SLC26A3: variants seen among roughly 807,000 people sequenced by gnomAD.
SLC26A3 encodes chloride anion exchanger.
A neutral mutation model predicts 85.6 loss-of-function variants in SLC26A3; 64 were observed. That is an observed-to-expected ratio of 0.75 (90% confidence interval 0.61 to 0.92). The LOEUF (loss-of-function observed/expected upper bound fraction) is 0.92, where lower values mean the gene tolerates loss of function less well. SLC26A3 is among the 40% of genes least tolerant of loss of function. The pLI, the probability that SLC26A3 is intolerant of heterozygous loss-of-function variation, is 0.00. For synonymous variants in SLC26A3, 349 were observed against 336.0 expected (o/e 1.04, Z -0.42); for missense variants, 922 against 927.3 (o/e 0.99, Z 0.07).
chr7:107,789,119 C>T lies in SLC26A3; in HGVS notation c.735+405G>A, dbSNP rs1395588027. Among the ~76,000 whole-genome samples, 942 of 128,188 alleles carry T rather than the reference C, an allele frequency of 7.3e-3. 9 individuals are homozygous for T. Among genetic ancestry groups the T allele is most frequent in the African/African-American group, 0.026 (882 of 33,482 alleles). 84.1% of individuals were successfully genotyped at this position (128,188 alleles called of 152,430 possible). A position where few individuals can be genotyped will look rare whatever the true frequency, so the allele number is the denominator to read the frequency against. On this transcript the variant is annotated intron_variant, in intron 6 of 20. Coordinates refer to ENST00000340010, the MANE Select transcript of SLC26A3 (RefSeq NM_000111.3). ...TTTCTTTTTCTTTTCTTTTCTTTTT[C>T]TTTTTTTTTTTTTTGAGACAAGAGT...
At chr7:107,786,716 C>A in intron 8 of SLC26A3, 111 bp downstream of exon 8, 1 of 898,792 alleles carries the variant, frequency 1.1e-6, no homozygotes, top group Admixed American at 1.7e-5. Flanking sequence ...AGGGAGGATT[C>A]TGATGAGGGT....
chr7:107,771,304 T>G (rs1794026626), intron 18 of SLC26A3, among the ~76,000 whole-genome samples: 1 of 152,154 alleles, frequency 6.6e-6, no homozygotes, highest in South Asian at 2.1e-4. Flanking sequence ...ACATCCACAG[T>G]CGAGTCCATT....
chr7:107,793,781 C>A lies in SLC26A3; in HGVS notation c.232G>T (p.Val78Phe), dbSNP rs1794445581. Residue 78 changes from valine to phenylalanine, a missense_variant, in exon 3 of 21, where the codon GTT becomes TTT. By Grantham distance (50) the Val-to-Phe change is conservative (BLOSUM62 -1). Coordinates refer to ENST00000340010, the MANE Select transcript of SLC26A3 (RefSeq NM_000111.3). ...ACAATCCCTGTGCTGATACCAGAAA[C>A]AATATCACTGAGCAACCATTCTTTA... is the stretch of plus-strand genomic sequence containing the variant. ...RLKEWLLSDI[V>F]SGISTGIVAV... 6.2e-7 allele frequency: 1 copy of A among 1,614,114 alleles called. No individual in the cohort carries two copies. The highest frequency in any genetic ancestry group is 1.7e-5 in the Admixed American group (1 of 60,024).
At position 107,767,596 on chromosome 7, in the gene SLC26A3, G is replaced by A. The variant is rs776888978; in HGVS notation, c.2254C>T (p.Arg752Cys). ...AATCTTACCTCATATACCCGATTAC[G>A]TAATCCTCCATTTGTATTTATGGTA... The part of the protein sequence containing the change: ...DFTINTNGGL[R>C]NRVYEVPVET... The change falls in exon 20 of 21, where the codon CGT (arginine) becomes TGT (cysteine). Residue 752 changes from arginine (R) to cysteine (C), a missense_variant. Transcript: ENST00000340010. 56 of 1,607,886 alleles carry A rather than the reference G, an allele frequency of 3.5e-5. No homozygotes were observed. The East Asian group carries it at 4.9e-4, about 14-fold the overall frequency.
chr7:107,793,961 G>A (rs1273055951), intron 2 of SLC26A3, 80 bp from the exon 3 acceptor site: 2 of 1,559,332 alleles, frequency 1.3e-6, no homozygotes, highest in Admixed American at 1.7e-5. Flanking sequence ...AATTGGTAAA[G>A]ATGGTAATAT....
rs1793902414 is a variant in SLC26A3, at chr7:107,765,759, C to T, written c.*96G>A. The T allele has an allele frequency of 2.1e-6, 2 of 932,050 alleles. No homozygotes were observed. Among genetic ancestry groups the T allele is most frequent in the Non-Finnish European group, 3.5e-6 (2 of 570,206 alleles). The allele number at this position is 932,050 out of a possible 1,614,324, so 57.7% of individuals were successfully genotyped here. A position where few individuals can be genotyped will look rare whatever the true frequency, so the allele number is the denominator to read the frequency against. On this transcript the variant is annotated 3_prime_UTR_variant, in exon 21 of 21. Transcript: ENST00000340010. ...TTTGAAACATATTCTGTCAAAAATA[C>T]TCTTCGTACAATGTATGAACTTATC... is the stretch of plus-strand genomic sequence containing the variant.
intron 15 of SLC26A3, chr7:107,776,100 T>G: frequency 2.9e-6 from 1 of 346,812 alleles, no homozygotes; most frequent in South Asian, 2.8e-5. Flanking sequence ...GGTCAAATAT[T>G]AAATGCTCCT....
chr7:107,782,910 C>A, intron 10 of SLC26A3, 36 bp from the exon 11 acceptor site: 1 of 1,613,700 alleles, frequency 6.2e-7, no homozygotes, highest in Non-Finnish European at 8.5e-7. Flanking sequence ...ACCAACTCAA[C>A]TTTTCCCCTG....
Position 107,791,106 on chromosome 7 carries a change from T to C in SLC26A3, c.512A>G (p.Asp171Gly), listed in dbSNP as rs753193754. The change falls in exon 5 of 21, where the codon GAC becomes GGC. Residue 171 changes from aspartate to glycine, a missense_variant. Transcript: ENST00000340010. ...CGCCGCCGCCACCCTCACCCTCTCG[T>C]CATCCAGTAGTGAAGAATTATTCGA... ...NNSNNSSLLD[D>G]ERVRVAAAAS... The C allele has an allele frequency of 2.5e-6, 4 of 1,614,188 alleles. No individual in the cohort carries two copies. Among genetic ancestry groups the C allele is most frequent in the Non-Finnish European group, 3.4e-6 (4 of 1,180,026 alleles).
At chr7:107,792,063 T>C in intron 3 of SLC26A3, 123 bp from the exon 4 acceptor site, 1 of 655,044 alleles carries the variant, frequency 1.5e-6, no homozygotes, top group Non-Finnish European at 2.8e-6. Flanking sequence ...ATTCAAAATG[T>C]ATTAAAGATG....
chr7:107,798,557 A>G (rs974754676), intron 1 of SLC26A3, among the ~76,000 whole-genome samples: 4 of 152,192 alleles, frequency 2.6e-5, no homozygotes, highest in African/African-American at 9.7e-5. Context: ...AATTTGAACC[A>G]AGATGCTGAT....
intron 12 of SLC26A3, among the ~76,000 whole-genome samples, chr7:107,778,916 A>C (rs147217802): frequency 6.6e-6 from 1 of 152,122 alleles, no homozygotes; most frequent in Non-Finnish European, 1.5e-5. Flanking sequence ...GCCTGAGCCC[A>C]GGAGTTTGAG....
chr7:107,778,354 A>G, intron 12 of SLC26A3, 73 bp from the exon 13 acceptor site: 1 of 732,054 alleles, frequency 1.4e-6, no homozygotes. Flanking sequence ...GGGTCTTTTA[A>G]AAAGACTTTT....
intron 1 of SLC26A3, among the ~76,000 whole-genome samples, chr7:107,801,896 A>G (rs999078509): frequency 6.8e-6 from 1 of 147,878 alleles, no homozygotes; most frequent in South Asian, 2.1e-4. Context: ...CCTGGCCAAC[A>G]TGGCGAAACC....
rs533459868 is a variant in SLC26A3, at chr7:107,797,919, A to T, written c.-88-3322T>A. 3.9e-5 allele frequency among the ~76,000 whole-genome samples: 6 copies of T among 152,142 alleles called. No individual in the cohort carries two copies. In the South Asian group the frequency reaches 1.2e-3, roughly 32 times the overall value. On this transcript the variant is annotated intron_variant, in intron 1 of 20. Transcript: ENST00000340010. ...CTTTTTTCTGGTTCCTGGAATCACAATTCCAATTTCAAATATTACGCCCAT... is the reference window on the plus strand; with the variant it reads ...CTTTTTTCTGGTTCCTGGAATCACATTTCCAATTTCAAATATTACGCCCAT...
chr7:107,769,291 T>C (rs1793965400), intron 18 of SLC26A3, among the ~76,000 whole-genome samples: 1 of 152,108 alleles, frequency 6.6e-6, no homozygotes, highest in Non-Finnish European at 1.5e-5. Flanking sequence ...CATTGATTGC[T>C]GCACTATTCA....
At chr7:107,794,303 T>A (rs1794457630) in intron 2 of SLC26A3, 76 bp downstream of exon 2, 3 of 1,537,782 alleles carry the variant, frequency 2.0e-6, no homozygotes, top group Non-Finnish European at 2.7e-6. Context: ...GAAAGGAGAG[T>A]TGGAAAGTTA....
At chr7:107,792,308 T>G (rs1794416118) in intron 3 of SLC26A3, among the ~76,000 whole-genome samples, 1 of 152,292 alleles carries the variant, frequency 6.6e-6, no homozygotes, top group South Asian at 2.1e-4. Flanking sequence ...ACTTTATTTC[T>G]ATTATTATTA....
rs150323600 is a variant in SLC26A3, at chr7:107,777,369, C to T, written c.1515-663G>A. Among the ~76,000 whole-genome samples, 17 of 152,168 alleles carry T rather than the reference C, an allele frequency of 1.1e-4. No individual in the cohort carries two copies. In the East Asian group the frequency reaches 1.7e-3, roughly 16 times the overall value. On this transcript the variant is annotated intron_variant, in intron 13 of 20. Transcript: ENST00000340010. ...CAGCACTTTGGCAGGCTAAGTCGGGCGGATCACCCAAAGTCAGGAATTCAC... is the reference window on the plus strand; with the variant it reads ...CAGCACTTTGGCAGGCTAAGTCGGGTGGATCACCCAAAGTCAGGAATTCAC...
Sources: allele counts gnomAD v4.1 joint callset (sites outside exome capture counted in the v4.1 genomes callset), GRCh38; gene constraint gnomAD v4.1.1; transcripts MANE v1.5; gene names NCBI Gene and HGNC (gene_info 2026-07-23, HGNC 2026-07-21).